The following SGCZ variants were observed in gnomAD, a reference collection of about 807,000 sequenced individuals.
SGCZ encodes sarcoglycan zeta.
Under a neutral mutation model 41.3 loss-of-function variants are expected in SGCZ, and 40 were observed. The ratio of observed to expected loss-of-function variants is 0.97; its 90% CI spans 0.75 to 1.26. SGCZ has a LOEUF of 1.26. Ranked by LOEUF, SGCZ falls within the 50% of genes most tolerant of loss-of-function variation. The pLI is 0.00. For synonymous variants in SGCZ, 206 were observed against 137.5 expected (o/e 1.50, Z -3.49); for missense variants, 552 against 369.8 (o/e 1.49, Z -4.04).
At chr8:14,951,654 T>C (rs368279587) in intron 1 of SGCZ, among the ~76,000 whole-genome samples, 113 of 152,146 alleles carry the variant, frequency 7.4e-4, no homozygotes, top group African/African-American at 2.7e-3. Context: ...AAATGATCAT[T>C]TGTAATTTAC....
At chr8:14,529,330 T>A (rs554359583) in intron 2 of SGCZ, among the ~76,000 whole-genome samples, 18 of 152,310 alleles carry the variant, frequency 1.2e-4, no homozygotes, top group African/African-American at 3.8e-4. Context: ...TCTACTTATA[T>A]GCCCTGTATT....
chr8:15,129,685 G>C (rs1807827732), intron 1 of SGCZ, among the ~76,000 whole-genome samples: 3 of 120,510 alleles, frequency 2.5e-5, no homozygotes. Flanking sequence ...GTCCCGTTCG[G>C]GTAAAGTCAG....
At chr8:15,054,368 T>C (rs996957213) in intron 1 of SGCZ, among the ~76,000 whole-genome samples, 7 of 152,176 alleles carry the variant, frequency 4.6e-5, no homozygotes, top group African/African-American at 1.7e-4. Flanking sequence ...AGGCAGAACG[T>C]AGCTTGGAGG....
chr8:14,643,759 T>C (rs568192926), intron 1 of SGCZ, among the ~76,000 whole-genome samples: 95 of 151,856 alleles, frequency 6.3e-4, no homozygotes, highest in African/African-American at 2.1e-3. Context: ...TAATATAGTA[T>C]GCTTTCATTT....
chr8:15,026,406 G>A (rs191879670), intron 1 of SGCZ, among the ~76,000 whole-genome samples: 1 of 152,226 alleles, frequency 6.6e-6, no homozygotes, highest in Non-Finnish European at 1.5e-5. Flanking sequence ...TGAAATGCTG[G>A]TGTAGTGTTG....
intron 1 of SGCZ, among the ~76,000 whole-genome samples, chr8:14,832,138 T>A (rs1413754029): frequency 6.6e-6 from 1 of 152,180 alleles, no homozygotes; most frequent in Non-Finnish European, 1.5e-5. Context: ...AAGTGCATAA[T>A]AATTTCCCTT....
chr8:14,592,955 C>A (rs1318030145), intron 1 of SGCZ, among the ~76,000 whole-genome samples: 1 of 152,182 alleles, frequency 6.6e-6, no homozygotes, highest in Non-Finnish European at 1.5e-5. Flanking sequence ...AGTTTCTCTA[C>A]TGTGTGAAAC....
chr8:15,083,586 T>C (rs980723474), intron 1 of SGCZ, among the ~76,000 whole-genome samples: 1 of 152,164 alleles, frequency 6.6e-6, no homozygotes, highest in Non-Finnish European at 1.5e-5. Flanking sequence ...TATCTCATTG[T>C]CACCTAGGCT....
intron 2 of SGCZ, among the ~76,000 whole-genome samples, chr8:14,436,615 G>A (rs556934128): frequency 6.6e-6 from 1 of 152,218 alleles, no homozygotes; most frequent in Non-Finnish European, 1.5e-5. Context: ...AACCGTCCTA[G>A]TAGCCATTAC....
chr8:15,061,360 A>C (rs1278462078), intron 1 of SGCZ, among the ~76,000 whole-genome samples: 1 of 151,980 alleles, frequency 6.6e-6, no homozygotes, highest in African/African-American at 2.4e-5. Flanking sequence ...AGGGAGGAGA[A>C]CATCACACAC....
intron 1 of SGCZ, among the ~76,000 whole-genome samples, chr8:14,812,438 T>C (rs1395335330): frequency 1.3e-5 from 2 of 152,130 alleles, no homozygotes; most frequent in Non-Finnish European, 2.9e-5. Flanking sequence ...AGTATTTGTT[T>C]GTCAACAAGG....
chr8:14,376,311 A>G (rs1051781708), intron 2 of SGCZ, among the ~76,000 whole-genome samples: 6 of 151,794 alleles, frequency 4.0e-5, no homozygotes, highest in African/African-American at 1.5e-4. Context: ...ACTCAATCTC[A>G]AAAAAATAAA....
intron 1 of SGCZ, among the ~76,000 whole-genome samples, chr8:14,877,520 A>G (rs1458331532): frequency 1.3e-5 from 2 of 152,116 alleles, no homozygotes; most frequent in Non-Finnish European, 2.9e-5. Context: ...ATTCCATCAT[A>G]TGCTACATGT....
chr8:14,449,822 T>C (rs1800540453), intron 2 of SGCZ, among the ~76,000 whole-genome samples: 1 of 152,184 alleles, frequency 6.6e-6, no homozygotes, highest in African/African-American at 2.4e-5. Flanking sequence ...CCTGATGTAA[T>C]GGAAGGTCCA....
At chr8:15,231,577 G>C (rs1289597832) in intron 1 of SGCZ, among the ~76,000 whole-genome samples, 1 of 140,966 alleles carries the variant, frequency 7.1e-6, no homozygotes, top group African/African-American at 2.6e-5. Flanking sequence ...AAGAGACTTT[G>C]AGTAAAATAA....
At chr8:14,198,229 C>T (rs1196567948) in intron 4 of SGCZ, among the ~76,000 whole-genome samples, 2 of 152,162 alleles carry the variant, frequency 1.3e-5, no homozygotes, top group Non-Finnish European at 2.9e-5. Flanking sequence ...TCCATGCTGT[C>T]TCTGCTATCA....
chr8:14,101,378 A>AAAAT (rs1276564512), intron 7 of SGCZ, among the ~76,000 whole-genome samples: 8 of 151,410 alleles, frequency 5.3e-5, no homozygotes, highest in African/African-American at 2.0e-4. Flanking sequence ...AAGACCATGG[A>AAAAT]AAATTGGGGA....
At chr8:14,632,899 T>C (rs965781382) in intron 1 of SGCZ, among the ~76,000 whole-genome samples, 1 of 152,046 alleles carries the variant, frequency 6.6e-6, no homozygotes, top group Non-Finnish European at 1.5e-5. Context: ...ATTTAAACTA[T>C]GTAAAAATGA....
At chr8:14,387,464 A>T (rs1804615343) in intron 2 of SGCZ, among the ~76,000 whole-genome samples, 2 of 152,224 alleles carry the variant, frequency 1.3e-5, no homozygotes, top group South Asian at 2.1e-4. Context: ...CTATATTCAG[A>T]ATCAGTTTAA....
Sources: allele counts gnomAD v4.1 joint callset (sites outside exome capture counted in the v4.1 genomes callset), GRCh38; gene constraint gnomAD v4.1.1; transcripts MANE v1.5; gene names NCBI Gene and HGNC (gene_info 2026-07-23, HGNC 2026-07-21).